BRIP1: variants seen among roughly 807,000 people sequenced by gnomAD.
The protein encoded by BRIP1 is Fanconi anemia group J protein.
Under a neutral mutation model 119.7 loss-of-function variants are expected in BRIP1, and 88 were observed. That is an observed-to-expected ratio of 0.74 (90% CI 0.62 to 0.88). BRIP1 has a LOEUF of 0.88. BRIP1 is among the 40% of genes least tolerant of loss of function. The pLI is 0.00. For missense variants in BRIP1, 1,259 were observed against 1,455.4 expected (o/e 0.87, Z 2.20); for synonymous variants, 443 against 496.5 (o/e 0.89, Z 1.43).
rs1053551305 is a variant in BRIP1 at position 61,681,655 on chromosome 17, T to C, written c.*1641A>G. On this transcript the variant is annotated 3_prime_UTR_variant, in exon 20 of 20. Transcript: ENST00000259008. This position sits in a 1 kb window ranked among gnomAD's most constrained non-coding sequence, Gnocchi z 5.1. Reference sequence around the variant, plus strand: ...CGAGTATTTGGTATTTACTGCTCAATGATCAACTAGAAAAAATATATAATA... The same window carrying C: ...CGAGTATTTGGTATTTACTGCTCAACGATCAACTAGAAAAAATATATAATA... 5.0e-6 allele frequency: 1 copy of C among 198,952 alleles called. No individual in the cohort carries two copies. Among genetic ancestry groups the C allele is most frequent in the African/African-American group, 2.3e-5 (1 of 43,406 alleles). The allele number at this position is 198,952 out of a possible 1,614,324, so 12.3% of individuals were successfully genotyped here. A position where few individuals can be genotyped will look rare whatever the true frequency, so the allele number is the denominator to read the frequency against.
rs1018936595 is a variant in BRIP1 at position 61,757,997 on chromosome 17, A to G, written c.2098-13406T>C. ...CAACAGAATGAGACACTGTCTTGAAAAAAAAAAAGAGAAAAAAGAAAAGAA... is the reference window on the plus strand; with the variant it reads ...CAACAGAATGAGACACTGTCTTGAAGAAAAAAAAGAGAAAAAAGAAAAGAA... On this transcript the variant is annotated intron_variant, in intron 14 of 19. Coordinates refer to ENST00000259008, the MANE Select transcript of BRIP1 (RefSeq NM_032043.3). The surrounding 1 kb of genome is among the most constrained non-coding windows in gnomAD (Gnocchi z 4.3). Among the ~76,000 whole-genome samples, 1 of 151,988 alleles carries G rather than the reference A, an allele frequency of 6.6e-6. No homozygotes were observed. Among genetic ancestry groups the G allele is most frequent in the Non-Finnish European group, 1.5e-5 (1 of 67,984 alleles).
intron 6 of BRIP1, among the ~76,000 whole-genome samples, chr17:61,835,090 C>T (rs532319543): frequency 7.9e-5 from 12 of 151,718 alleles, no homozygotes; most frequent in African/African-American, 2.6e-4. Context: ...AATTTAAGTA[C>T]ACATTTTGGT....
At position 61,802,581 on chromosome 17, in the gene BRIP1, C is replaced by T. The variant is rs373786116; in HGVS notation, c.919-1107G>A. On this transcript the variant is annotated intron_variant, in intron 7 of 19. Coordinates refer to ENST00000259008, the MANE Select transcript of BRIP1 (RefSeq NM_032043.3). This position sits in a 1 kb window ranked among gnomAD's most constrained non-coding sequence, Gnocchi z 6.0. ...ATTCCCTTTGTTTTCTTCTGTCTAG[C>T]GTATTAAAAATCATACAAGGAAAAT... Among the ~76,000 whole-genome samples, 66 of 152,148 alleles carry T rather than the reference C, an allele frequency of 4.3e-4. No homozygotes were observed. The highest frequency in any genetic ancestry group is 1.5e-3 in the African/African-American group (62 of 41,432).
chr17:61,685,796 G>T (rs1193106135), intron 19 of BRIP1, 40 bp downstream of exon 19: 1 of 1,489,330 alleles, frequency 6.7e-7, no homozygotes, highest in South Asian at 1.1e-5. Context: ...TATAATGAAA[G>T]ACTTCTCTAT....
intron 14 of BRIP1, among the ~76,000 whole-genome samples, chr17:61,747,036 A>T (rs1038041402): frequency 2.0e-5 from 3 of 152,210 alleles, no homozygotes; most frequent in African/African-American, 7.2e-5. Flanking sequence ...AAAGAAAACC[A>T]GCAAATTTAC....
intron 10 of BRIP1, among the ~76,000 whole-genome samples, chr17:61,786,861 A>G (rs1266135132): frequency 4.0e-5 from 5 of 126,038 alleles, no homozygotes; most frequent in Admixed American, 9.6e-5. Flanking sequence ...ATATATATTC[A>G]TATATGTATT....
chr17:61,848,929 C>T lies in BRIP1; in HGVS notation c.507+200G>A, dbSNP rs554925071. Among the ~76,000 whole-genome samples, 1 of 152,250 alleles carries T rather than the reference C, an allele frequency of 6.6e-6. No individual in the cohort carries two copies. Among genetic ancestry groups the T allele is most frequent in the Non-Finnish European group, 1.5e-5 (1 of 68,008 alleles). On this transcript the variant is annotated intron_variant, in intron 5 of 19. Transcript: ENST00000259008. The surrounding 1 kb of genome is among the most constrained non-coding windows in gnomAD (Gnocchi z 4.3). Reference sequence around the variant, plus strand: ...GAAACACCATGCAGTTTCACTTGAACGACATGTTACTGTGAATAATCTGCT... The same window carrying T: ...GAAACACCATGCAGTTTCACTTGAATGACATGTTACTGTGAATAATCTGCT...
chr17:61,813,822 T>G (rs1368873993), intron 6 of BRIP1, among the ~76,000 whole-genome samples: 1 of 152,062 alleles, frequency 6.6e-6, no homozygotes, highest in African/African-American at 2.4e-5. Flanking sequence ...TCACCTCATC[T>G]TACTGACAAA....
intron 6 of BRIP1, among the ~76,000 whole-genome samples, chr17:61,821,456 C>T (rs1182671677): frequency 6.6e-6 from 1 of 152,044 alleles, no homozygotes; most frequent in African/African-American, 2.4e-5. Context: ...CTTAGGTTCC[C>T]TGCCTCCAGA....
In BRIP1 at chr17:61,725,594, C is replaced by G. The variant is rs1457229937; in HGVS notation, c.2380-9531G>C. Among the ~76,000 whole-genome samples, 4 of 152,046 alleles carry G rather than the reference C, an allele frequency of 2.6e-5. No individual in the cohort carries two copies. In the East Asian group the frequency reaches 5.8e-4, roughly 22 times the overall value. On this transcript the variant is annotated intron_variant, in intron 16 of 19. Transcript: ENST00000259008. The surrounding 1 kb of genome is among the most constrained non-coding windows in gnomAD (Gnocchi z 5.3). ...AAGACATGCAAGAAATCTTAGCATG[C>G]TTATTCTGTAAAGGGCTAAGTTAAA...
intron 17 of BRIP1, among the ~76,000 whole-genome samples, chr17:61,711,900 TA>T (rs1335783318): frequency 6.6e-6 from 1 of 150,820 alleles, no homozygotes; most frequent in East Asian, 2.0e-4. Context: ...AAAACAAAAA[TA>T]AAAAATAAAA....
chr17:61,727,539 G>A (rs912781585), intron 16 of BRIP1, among the ~76,000 whole-genome samples: 1 of 152,128 alleles, frequency 6.6e-6, no homozygotes, highest in African/African-American at 2.4e-5. Flanking sequence ...GGATGAGGCA[G>A]GAGGATCACT....
chr17:61,682,138 A>G lies in BRIP1; in HGVS notation c.*1158T>C, dbSNP rs1311938876. On this transcript the variant is annotated 3_prime_UTR_variant, in exon 20 of 20. Transcript: ENST00000259008. This position sits in a 1 kb window ranked among gnomAD's most constrained non-coding sequence, Gnocchi z 4.9. ...GGATTACTGTGCCCTAAGGAAACAT[A>G]TTTTAGCTGCAGCTATAAATGTGGG... 2.5e-5 allele frequency: 5 copies of G among 202,574 alleles called. No individual in the cohort carries two copies. Among genetic ancestry groups the G allele is most frequent in the Non-Finnish European group, 5.1e-5 (5 of 98,776 alleles). 12.5% of individuals were successfully genotyped at this position (202,574 alleles called of 1,614,324 possible).
Position 61,713,175 on chromosome 17 carries a change from T to C in BRIP1, c.2492+2776A>G, listed in dbSNP as rs536904346. Among the ~76,000 whole-genome samples, 1 of 152,322 alleles carries C rather than the reference T, an allele frequency of 6.6e-6. No individual in the cohort carries two copies. Among genetic ancestry groups the C allele is most frequent in the East Asian group, 1.9e-4 (1 of 5,178 alleles). ...GGTGTAAACAAACCTACTGTGCTGC[T>C]AGTCTTATAAAAGTATAGCACATAC... is the stretch of plus-strand genomic sequence containing the variant. On this transcript the variant is annotated intron_variant, in intron 17 of 19. Transcript: ENST00000259008. The surrounding 1 kb of genome is among the most constrained non-coding windows in gnomAD (Gnocchi z 4.9).
intron 14 of BRIP1, among the ~76,000 whole-genome samples, chr17:61,764,235 C>T (rs2077318880): frequency 6.6e-6 from 1 of 152,158 alleles, no homozygotes; most frequent in South Asian, 2.1e-4. Context: ...GTAAGCACAC[C>T]ATCAGCAAAG....
At position 61,808,836 on chromosome 17, in the gene BRIP1, C is replaced by A. The variant is rs1293385462; in HGVS notation, c.628-79G>T. On this transcript the variant is annotated intron_variant, in intron 6 of 19. Transcript: ENST00000259008. The surrounding 1 kb of genome is among the most constrained non-coding windows in gnomAD (Gnocchi z 4.1). Reference sequence around the variant, plus strand: ...TATCAAACCTCACATGGAATCAGAACCTGTAAGTAATGAATCACAATGGTC... The same window carrying A: ...TATCAAACCTCACATGGAATCAGAAACTGTAAGTAATGAATCACAATGGTC... 2.2e-6 allele frequency: 3 copies of A among 1,374,350 alleles called. No individual in the cohort carries two copies. In the African/African-American group the frequency reaches 4.3e-5, roughly 20 times the overall value. The allele number at this position is 1,374,350 out of a possible 1,614,324, so 85.1% of individuals were successfully genotyped here. A position where few individuals can be genotyped will look rare whatever the true frequency, so the allele number is the denominator to read the frequency against.
intron 17 of BRIP1, among the ~76,000 whole-genome samples, chr17:61,694,799 G>A (rs897354610): frequency 2.6e-5 from 4 of 151,116 alleles, no homozygotes; most frequent in Admixed American, 1.3e-4. Context: ...CATTTTTTAC[G>A]TGCTTACTGG....
At position 61,809,984 on chromosome 17, in the gene BRIP1, A is replaced by T. The variant is rs1603347859; in HGVS notation, c.628-1227T>A. ...CTCACTCAACCTTGTCCGCCATTAA[A>T]TATTACAATACATGATAGAATGGAT... On this transcript the variant is annotated intron_variant, in intron 6 of 19. Coordinates refer to ENST00000259008, the MANE Select transcript of BRIP1 (RefSeq NM_032043.3). The surrounding 1 kb of genome is among the most constrained non-coding windows in gnomAD (Gnocchi z 5.2). Among the ~76,000 whole-genome samples, 1 of 152,254 alleles carries T rather than the reference A, an allele frequency of 6.6e-6. No individual in the cohort carries two copies. The highest frequency in any genetic ancestry group is 1.9e-4 in the East Asian group (1 of 5,204).
Position 61,687,740 on chromosome 17 carries a change from AAATG to A in BRIP1, c.2576-1579_2576-1576del, listed in dbSNP as rs2061382450. Among the ~76,000 whole-genome samples, 1 of 152,130 alleles carries A rather than the reference AAATG, an allele frequency of 6.6e-6. No individual in the cohort carries two copies. Among genetic ancestry groups the A allele is most frequent in the African/African-American group, 2.4e-5 (1 of 41,424 alleles). On this transcript the variant is annotated intron_variant, in intron 18 of 19. Transcript: ENST00000259008. The surrounding 1 kb of genome is among the most constrained non-coding windows in gnomAD (Gnocchi z 5.1). ...TGGATGAAACCATCGAGTGAGAAAA[AAATG>A]ATACTACTGCCTGCATCAAAGCGGT...
Sources: allele counts gnomAD v4.1 joint callset (sites outside exome capture counted in the v4.1 genomes callset), GRCh38; gene constraint gnomAD v4.1.1; non-coding constraint Gnocchi (gnomAD v3.1); transcripts MANE v1.5; gene names NCBI Gene and HGNC (gene_info 2026-07-23, HGNC 2026-07-21).